FIP1L1: variants seen among roughly 807,000 people sequenced by gnomAD.
The protein encoded by FIP1L1 is pre-mRNA 3'-end-processing factor FIP1.
A neutral mutation model predicts 84.6 loss-of-function variants in FIP1L1; 21 were observed. The observed-to-expected ratio is 0.25, with a 90% CI of 0.18 to 0.36. The LOEUF is 0.36. FIP1L1 is among the 10% of genes least tolerant of loss of function. FIP1L1 has a pLI of 1.00. For synonymous variants in FIP1L1, 263 were observed against 242.3 expected (o/e 1.09, Z -0.80); for missense variants, 526 against 751.1 (o/e 0.70, Z 3.50).
At chr4:53,397,062 A>T (rs1310416265) in intron 9 of FIP1L1, among the ~76,000 whole-genome samples, 2 of 152,246 alleles carry the variant, frequency 1.3e-5, no homozygotes, top group Non-Finnish European at 2.9e-5. Flanking sequence ...AACCGATGAA[A>T]GAATGTTTAT....
intron 13 of FIP1L1, among the ~76,000 whole-genome samples, chr4:53,438,188 A>G (rs1250813776): frequency 3.9e-5 from 6 of 152,174 alleles, no homozygotes; most frequent in Non-Finnish European, 8.8e-5. Context: ...GATAAAGGAT[A>G]TAGAAAAGAA....
chr4:53,416,785 G>A (rs1342256862), intron 11 of FIP1L1, among the ~76,000 whole-genome samples: 1 of 152,036 alleles, frequency 6.6e-6, no homozygotes, highest in Admixed American at 6.5e-5. Flanking sequence ...CCAACATGGT[G>A]AAACCCTGTC....
Position 53,460,644 on chromosome 4 carries a change from G to T in FIP1L1, c.*1195G>T. 1 of 353,634 alleles carries T rather than the reference G, an allele frequency of 2.8e-6. No homozygotes were observed. Among genetic ancestry groups the T allele is most frequent in the Admixed American group, 5.0e-5 (1 of 20,132 alleles). 21.9% of individuals were successfully genotyped at this position (353,634 alleles called of 1,614,324 possible). ...TATACAAATCATTTTAGTTGTTTTA[G>T]GGCTTTTTATTGAATAGAAAAAATA... On this transcript the variant is annotated 3_prime_UTR_variant, in exon 18 of 18. Coordinates refer to ENST00000337488, the MANE Select transcript of FIP1L1 (RefSeq NM_030917.4).
Position 53,379,237 on chromosome 4 carries a change from T to C in FIP1L1, c.143T>C (p.Val48Ala), listed in dbSNP as rs367710840. ...DLAKDLDENE[V>A]ERPEEENASA... ...TTTTACTTGGTAGATGAAAATGAAGTTGAAAGGCCAGAAGAAGAAAATGCC... is the reference window on the plus strand; with the variant it reads ...TTTTACTTGGTAGATGAAAATGAAGCTGAAAGGCCAGAAGAAGAAAATGCC... Residue 48 changes from valine (V) to alanine (A), a missense_variant, in exon 3 of 18, where the codon GTT becomes GCT. Around this residue, in one of 6 missense-constraint regions of FIP1L1, gnomAD observed 100 missense variants for 107.2 expected, o/e 0.93. Transcript: ENST00000337488. 10 of 1,604,780 alleles carry C rather than the reference T, an allele frequency of 6.2e-6. No homozygotes were observed. The East Asian group carries it at 1.3e-4, about 21-fold the overall frequency.
At chr4:53,391,282 C>G in intron 8 of FIP1L1, 143 bp downstream of exon 8, 3 of 1,184,768 alleles carry the variant, frequency 2.5e-6, no homozygotes, top group Non-Finnish European at 3.6e-6. Flanking sequence ...TTGTTTTTCC[C>G]TTCCCTCCCT....
At chr4:53,429,192 A>G (rs571805484) in intron 13 of FIP1L1, among the ~76,000 whole-genome samples, 4 of 152,186 alleles carry the variant, frequency 2.6e-5, no homozygotes, top group South Asian at 4.2e-4. Context: ...TGTCACCTCT[A>G]CTCTCAAAAA....
Position 53,444,064 on chromosome 4 carries a change from TA to T in FIP1L1, c.1247del (p.Tyr416LeufsTer206). The T allele has an allele frequency of 6.2e-7, 1 of 1,607,334 alleles. No homozygotes were observed. Among genetic ancestry groups the T allele is most frequent in the Non-Finnish European group, 8.5e-7 (1 of 1,174,226 alleles). ...PTIESGHSSGYDSRSARAFPY... is the reference protein window; with the variant it reads ...PTIESGHSSGXDSRSARAFPY... ...CTTCAACAGTGGACATTCCTCTGGT[TA>T]TGATAGTCGTTCTGCACGTGCATTT... is the stretch of plus-strand genomic sequence containing the variant. On this transcript the variant is annotated frameshift_variant, in exon 15 of 18. Coordinates refer to ENST00000337488, the MANE Select transcript of FIP1L1 (RefSeq NM_030917.4). LOFTEE classifies it high-confidence loss of function.
rs550525145 is a variant in FIP1L1, at chr4:53,412,266, A to G, written c.816-2349A>G. ...GCATGTATTTCCTCAGAACGAGGACATTCTGTTAGATAATCATACGGCAGA... is the reference window on the plus strand; with the variant it reads ...GCATGTATTTCCTCAGAACGAGGACGTTCTGTTAGATAATCATACGGCAGA... On this transcript the variant is annotated intron_variant, in intron 10 of 17. Transcript: ENST00000337488. Among the ~76,000 whole-genome samples, 4 of 152,250 alleles carry G rather than the reference A, an allele frequency of 2.6e-5. No individual in the cohort carries two copies. The South Asian group carries it at 8.3e-4, about 31-fold the overall frequency.
In FIP1L1 at chr4:53,405,077, C is replaced by A. The variant is rs1383405944; in HGVS notation, c.815+5238C>A. Among the ~76,000 whole-genome samples the A allele has an allele frequency of 1.9e-4, 29 of 152,290 alleles. No individual in the cohort carries two copies. The East Asian group carries it at 5.2e-3, about 27-fold the overall frequency. On this transcript the variant is annotated intron_variant, in intron 10 of 17. Transcript: ENST00000337488. ...CTTTTGGTGTTTTAGACATGAAGTC[C>A]TTGCCCATGCCTGTGTCCTGAATGG...
chr4:53,447,440 C>T (rs966611135), intron 15 of FIP1L1, among the ~76,000 whole-genome samples: 7 of 152,044 alleles, frequency 4.6e-5, no homozygotes, highest in African/African-American at 1.7e-4. Flanking sequence ...TTTCTTTCTC[C>T]ACCACCTAGC....
intron 11 of FIP1L1, among the ~76,000 whole-genome samples, chr4:53,423,999 A>G (rs1400345161): frequency 6.6e-6 from 1 of 152,174 alleles, no homozygotes; most frequent in South Asian, 2.1e-4. Flanking sequence ...TTATATCTAG[A>G]TCTAATTTTT....
At chr4:53,396,695 C>T (rs867990200) in intron 9 of FIP1L1, among the ~76,000 whole-genome samples, 7 of 152,158 alleles carry the variant, frequency 4.6e-5, no homozygotes, top group South Asian at 2.1e-4. Flanking sequence ...TGAGCCACCA[C>T]GCCCAGCCTA....
intron 13 of FIP1L1, among the ~76,000 whole-genome samples, chr4:53,432,707 C>T (rs926008695): frequency 4.6e-5 from 7 of 152,096 alleles, no homozygotes; most frequent in African/African-American, 9.7e-5. Flanking sequence ...ACTGAGGAAG[C>T]GGGGACCTAA....
At chr4:53,453,474 C>T (rs1256393751) in intron 16 of FIP1L1, among the ~76,000 whole-genome samples, 5 of 152,108 alleles carry the variant, frequency 3.3e-5, no homozygotes, top group African/African-American at 4.8e-5. Flanking sequence ...ATCACCACTT[C>T]TATTATTATT....
At chr4:53,442,839 A>G (rs1772577119) in intron 14 of FIP1L1, 132 bp downstream of exon 14, 3 of 557,882 alleles carry the variant, frequency 5.4e-6, no homozygotes, top group African/African-American at 3.8e-5. Context: ...ATCTAGATCT[A>G]TGTTAGTTAC....
At chr4:53,424,035 T>C (rs554348431) in intron 11 of FIP1L1, among the ~76,000 whole-genome samples, 1 of 152,286 alleles carries the variant, frequency 6.6e-6, no homozygotes, top group African/African-American at 2.4e-5. Flanking sequence ...TTGGAGAATT[T>C]GCTATCTGAC....
intron 15 of FIP1L1, among the ~76,000 whole-genome samples, chr4:53,449,068 CT>C (rs1399352429): frequency 1.3e-5 from 2 of 149,412 alleles, no homozygotes; most frequent in African/African-American, 2.5e-5. Flanking sequence ...AGTTTTGCTC[CT>C]TTTTTTTTCA....
intron 5 of FIP1L1, 39 bp from the exon 6 acceptor site, chr4:53,389,770 C>T (rs1743139994): frequency 1.3e-6 from 2 of 1,516,100 alleles, no homozygotes; most frequent in Admixed American, 1.8e-5. Context: ...TTAAGCTTTT[C>T]AGGATAATTT....
intron 13 of FIP1L1, among the ~76,000 whole-genome samples, chr4:53,439,518 T>TG (rs1407815396): frequency 3.9e-5 from 6 of 152,082 alleles, no homozygotes; most frequent in Admixed American, 6.5e-5. Flanking sequence ...ATGTTTCCTT[T>TG]GACAAGAAAA....
Sources: allele counts gnomAD v4.1 joint callset (sites outside exome capture counted in the v4.1 genomes callset), GRCh38; gene constraint gnomAD v4.1.1; regional missense constraint gnomAD v4.1.1; transcripts MANE v1.5; gene names NCBI Gene and HGNC (gene_info 2026-07-23, HGNC 2026-07-21).